LSM7: variants seen among roughly 807,000 people sequenced by gnomAD.
LSM7 encodes the protein LSM7 homolog, U6 small nuclear RNA and mRNA degradation associated.
In LSM7, 13 loss-of-function variants were observed where a neutral mutation model predicts 14.1. The observed-to-expected ratio is 0.92, with a 90% CI of 0.60 to 1.47. The LOEUF (loss-of-function observed/expected upper bound fraction) is 1.47. LSM7 is among the 40% of genes most tolerant of loss of function. LSM7 has a pLI of 0.00. For synonymous variants in LSM7, 70 were observed against 57.1 expected (o/e 1.23, Z -1.02); for missense variants, 108 against 140.8 (o/e 0.77, Z 1.18).
At chr19:2,328,526 A>G (rs753982871) in intron 1 of LSM7, 35 bp downstream of exon 1, 1 of 1,607,902 alleles carries the variant, frequency 6.2e-7, no homozygotes, top group South Asian at 1.1e-5. Context: ...CCCGAGCTCC[A>G]CGCCCCCCGG....
intron 2 of LSM7, chr19:2,324,914 T>C (rs982421784): frequency 6.5e-6 from 1 of 152,892 alleles, no homozygotes; most frequent in Non-Finnish European, 1.5e-5. Flanking sequence ...CAGGGCTTCC[T>C]GTAGGGGAGA....
At chr19:2,327,825 G>A (rs1289773603) in intron 2 of LSM7, 1 of 152,600 alleles carries the variant, frequency 6.6e-6, no homozygotes, top group Non-Finnish European at 1.5e-5. Context: ...TTGAATAAGT[G>A]ACGTGTTGTC....
intron 3 of LSM7, among the ~76,000 whole-genome samples, chr19:2,323,136 C>A (rs1967959696): frequency 6.6e-6 from 1 of 152,188 alleles, no homozygotes; most frequent in Non-Finnish European, 1.5e-5. Context: ...TGGGGACTTG[C>A]CGCAGGAGCT....
intron 3 of LSM7, among the ~76,000 whole-genome samples, chr19:2,323,348 G>A (rs1352316650): frequency 2.0e-5 from 3 of 152,180 alleles, no homozygotes; most frequent in South Asian, 2.1e-4. Flanking sequence ...TCCGCTGGGC[G>A]CCACAGCTCA....
chr19:2,328,536 G>C lies in LSM7; in HGVS notation c.6+25C>G, dbSNP rs200058556. On this transcript the variant is annotated intron_variant, in intron 1 of 3. Coordinates refer to ENST00000252622, the MANE Select transcript of LSM7 (RefSeq NM_016199.3). Reference sequence around the variant, plus strand: ...CGCGGCCCGAGCTCCACGCCCCCCGGCTCCAGATTCCGCCGCGCGCTCACC... The same window carrying C: ...CGCGGCCCGAGCTCCACGCCCCCCGCCTCCAGATTCCGCCGCGCGCTCACC... 712 of 1,604,992 alleles carry C rather than the reference G, an allele frequency of 4.4e-4. 3 individuals are homozygous for C. The highest frequency in any genetic ancestry group is 3.3e-4 in the Middle Eastern group (2 of 6,034).
chr19:2,325,492 G>A (rs1018001390), intron 2 of LSM7, among the ~76,000 whole-genome samples: 2 of 152,084 alleles, frequency 1.3e-5, no homozygotes, highest in Non-Finnish European at 2.9e-5. Flanking sequence ...GCACGCCCAC[G>A]CCAATCTCAG....
In LSM7 at chr19:2,328,486, A is replaced by C. The variant is rs1231835919; in HGVS notation, c.7-9T>G. The C allele has an allele frequency of 6.2e-7, 1 of 1,613,478 alleles. No individual in the cohort carries two copies. The highest frequency in any genetic ancestry group is 1.7e-5 in the Admixed American group (1 of 59,988). The stretch of plus-strand genomic sequence containing the variant: ...TTCTTCTTCTCCTTATCCTGCGGGG[A>C]AAGCAGAGCGCATGAGACCTGGAGC... On this transcript the variant is annotated splice_polypyrimidine_tract_variant and intron_variant, in intron 1 of 3. Coordinates refer to ENST00000252622, the MANE Select transcript of LSM7 (RefSeq NM_016199.3).
rs1169826484 is a variant in LSM7 at position 2,324,124 on chromosome 19, C to T, written c.169+1G>A. ...CCTGCCTCGGCCGCCACCCCACTCA[C>T]CTCGCATGTACTCAATGGTGCCGTC... On this transcript the variant is annotated splice_donor_variant, in intron 3 of 3. Coordinates refer to ENST00000252622, the MANE Select transcript of LSM7 (RefSeq NM_016199.3). LOFTEE classifies it high-confidence loss of function. 6.4e-7 allele frequency: 1 copy of T among 1,562,524 alleles called. No homozygotes were observed. The highest frequency in any genetic ancestry group is 8.7e-7 in the Non-Finnish European group (1 of 1,154,060).
Position 2,321,712 on chromosome 19 carries a change from G to A in LSM7, c.280C>T (p.Pro94Ser). The A allele has an allele frequency of 6.4e-7, 1 of 1,567,036 alleles. No homozygotes were observed. Among genetic ancestry groups the A allele is most frequent in the Non-Finnish European group, 8.6e-7 (1 of 1,158,096 alleles). ...ICPQDGMEAI[P>S]NPFIQQQDA The stretch of plus-strand genomic sequence containing the variant: ...TCCTGCTGCTGGATGAAGGGGTTGG[G>A]GATGGCCTCCATGCCGTCCTGCGGG... Residue 94 changes from proline (P) to serine (S), a missense_variant, in exon 4 of 4, where the codon CCC (proline) becomes TCC (serine). Coordinates refer to ENST00000252622, the MANE Select transcript of LSM7 (RefSeq NM_016199.3). The surrounding 1 kb of genome is among the most constrained non-coding windows in gnomAD (Gnocchi z 5.0).
In LSM7 at chr19:2,321,955, G is replaced by A. The variant is rs561115463; in HGVS notation, c.170-133C>T. On this transcript the variant is annotated intron_variant, in intron 3 of 3. Coordinates refer to ENST00000252622, the MANE Select transcript of LSM7 (RefSeq NM_016199.3). This position sits in a 1 kb window ranked among gnomAD's most constrained non-coding sequence, Gnocchi z 5.0. ...CCACGAGCACGCAGGGACCTCAGAC[G>A]GGATGCGCTCTGTGGGGCAGGTCCC... 24 of 814,024 alleles carry A rather than the reference G, an allele frequency of 2.9e-5. No individual in the cohort carries two copies. Among genetic ancestry groups the A allele is most frequent in the South Asian group, 1.8e-4 (6 of 32,916 alleles). The allele number at this position is 814,024 out of a possible 1,614,324, so 50.4% of individuals were successfully genotyped here.
intron 2 of LSM7, chr19:2,324,547 GA>G (rs1452055726): frequency 3.5e-6 from 1 of 286,018 alleles, no homozygotes; most frequent in Non-Finnish European, 6.7e-6. Context: ...ACTGAACTGT[GA>G]ATTTCATGTA....
At position 2,324,406 on chromosome 19, in the gene LSM7, G is replaced by C. The variant is rs949600462; in HGVS notation, c.98-210C>G. On this transcript the variant is annotated intron_variant, in intron 2 of 3. Coordinates refer to ENST00000252622, the MANE Select transcript of LSM7 (RefSeq NM_016199.3). ...GACCACGTCTGCGGGGGGCCAGATG[G>C]CAAACACTTCTGGCCGTGTGGGCCA... 5 of 567,564 alleles carry C rather than the reference G, an allele frequency of 8.8e-6. No individual in the cohort carries two copies. In the Admixed American group the frequency reaches 1.5e-4, roughly 17 times the overall value. 35.2% of individuals were successfully genotyped at this position (567,564 alleles called of 1,614,324 possible). A position where few individuals can be genotyped will look rare whatever the true frequency, so the allele number is the denominator to read the frequency against.
chr19:2,326,347 T>TGTGC (rs1212394685), intron 2 of LSM7, among the ~76,000 whole-genome samples: 2 of 134,290 alleles, frequency 1.5e-5, no homozygotes, highest in African/African-American at 5.6e-5. Context: ...TGTGTGTGTG[T>TGTGC]GTGTGTGTGT....
At position 2,324,104 on chromosome 19, in the gene LSM7, C is replaced by T. The variant is rs1233180053; in HGVS notation, c.169+21G>A. 1.6e-5 allele frequency: 24 copies of T among 1,539,764 alleles called. 1 individual carries two copies. Among genetic ancestry groups the T allele is most frequent in the Non-Finnish European group, 2.0e-5 (23 of 1,143,868 alleles). On this transcript the variant is annotated intron_variant, in intron 3 of 3. Coordinates refer to ENST00000252622, the MANE Select transcript of LSM7 (RefSeq NM_016199.3). ...CTATCCCCCTCGTCCCGCTGCCTGC[C>T]TCGGCCGCCACCCCACTCACCTCGC... is the stretch of plus-strand genomic sequence containing the variant.
intron 2 of LSM7, chr19:2,327,950 G>A (rs1015037794): frequency 6.1e-6 from 1 of 164,736 alleles, no homozygotes. Flanking sequence ...GACAAATGAG[G>A]AAACGGAGGC....
intron 2 of LSM7, chr19:2,324,458 C>T (rs1050556856): frequency 9.5e-6 from 5 of 527,446 alleles, no homozygotes; most frequent in Non-Finnish European, 1.4e-5. Flanking sequence ...GCTGCTGGCT[C>T]GGGCTGCCTG....
At chr19:2,326,308 C>CTT (rs763242978) in intron 2 of LSM7, among the ~76,000 whole-genome samples, 3 of 109,782 alleles carry the variant, frequency 2.7e-5, no homozygotes, top group African/African-American at 7.3e-5. Context: ...ACCCTTTCTG[C>CTT]TTTTTGTGTG....
intron 2 of LSM7, among the ~76,000 whole-genome samples, chr19:2,326,898 C>T (rs12977961): frequency 0.5 from 75,867 of 151,868 alleles, 20,538 homozygotes; most frequent in Middle Eastern, 0.61. Flanking sequence ...TGGCAGCGTC[C>T]GGGAGCTGCA....
intron 3 of LSM7, 87 bp downstream of exon 3, chr19:2,324,038 C>CGGG: frequency 1.6e-6 from 1 of 638,180 alleles, no homozygotes; most frequent in Non-Finnish European, 2.5e-6. Flanking sequence ...CTGCCCCCCT[C>CGGG]GTCCCACTGC....
Sources: gnomAD v4.1 joint callset for allele counts (sites outside exome capture counted in the v4.1 genomes callset) on GRCh38, gnomAD v4.1.1 for gene constraint, Gnocchi (gnomAD v3.1) non-coding constraint, MANE v1.5 for transcripts, NCBI Gene and HGNC (gene_info 2026-07-23, HGNC 2026-07-21) for gene names.